The following ERCC6 variants were observed in gnomAD, a reference collection of about 807,000 sequenced individuals.
The protein encoded by ERCC6 is DNA excision repair protein ERCC-6.
Under a neutral mutation model 158.7 loss-of-function variants are expected in ERCC6, and 116 were observed. The ratio of observed to expected loss-of-function variants is 0.73; its 90% CI spans 0.63 to 0.85. The LOEUF (loss-of-function observed/expected upper bound fraction) is 0.85. ERCC6 is among the 40% of genes least tolerant of loss of function. The pLI is 0.00. For synonymous variants in ERCC6, 678 were observed against 659.3 expected (o/e 1.03, Z -0.43); for missense variants, 1,698 against 1,799.4 (o/e 0.94, Z 1.02).
intron 5 of ERCC6, among the ~76,000 whole-genome samples, chr10:49,523,411 T>G (rs1446409487): frequency 6.6e-6 from 1 of 152,230 alleles, no homozygotes; most frequent in Admixed American, 6.5e-5. Context: ...GACAATGTCA[T>G]GGAGCTAAAA....
chr10:49,474,027 C>T lies in ERCC6; in HGVS notation c.2598G>A (p.Gln866=), dbSNP rs1487181665. The T allele has an allele frequency of 6.2e-7, 1 of 1,613,680 alleles. No individual in the cohort carries two copies. Among genetic ancestry groups the T allele is most frequent in the East Asian group, 2.2e-5 (1 of 44,882 alleles). The change falls in exon 13 of 21, where the codon CAG becomes CAA. Residue 866 remains glutamine (Q), a splice_region_variant and synonymous_variant. Transcript: ENST00000355832. ...QRVLLFSQSR[Q]MLDILEVFLR... Reference sequence around the variant, plus strand: ...TCCCGTCTGAAGTCTGTGCACTCACCTGCCTTGACTGAGAAAACAGCAATA... The same window carrying T: ...TCCCGTCTGAAGTCTGTGCACTCACTTGCCTTGACTGAGAAAACAGCAATA...
chr10:49,480,039 T>C (rs1326726464), intron 10 of ERCC6, among the ~76,000 whole-genome samples: 1 of 152,150 alleles, frequency 6.6e-6, no homozygotes, highest in Admixed American at 6.5e-5. Context: ...ACGCTGAGAA[T>C]CAAAAACCTT....
At chr10:49,526,273 ATG>A (rs1837338865) in intron 4 of ERCC6, among the ~76,000 whole-genome samples, 2 of 151,016 alleles carry the variant, frequency 1.3e-5, no homozygotes, top group South Asian at 4.2e-4. Context: ...TTGCCATTCC[ATG>A]TTAGCTATTT....
intron 1 of ERCC6, 129 bp from the exon 2 acceptor site, chr10:49,533,107 G>A: frequency 8.6e-7 from 1 of 1,156,586 alleles, no homozygotes; most frequent in Non-Finnish European, 1.2e-6. Context: ...ATAAATTCAA[G>A]TTTCCAAGTA....
At chr10:49,453,386 T>C (rs1018922155), downstream of ERCC6, among the ~76,000 whole-genome samples, 4 of 152,128 alleles carry the variant, frequency 2.6e-5, no homozygotes, top group Non-Finnish European at 5.9e-5. Context: ...CAACACATTG[T>C]TATAATTATT....
rs1439211546 is a variant in ERCC6, at chr10:49,482,762, G to GC, written c.2093dup (p.Thr699HisfsTer61). ...ACTGCTCCATAAACACAGGCAACGT[G>GC]CCTAACTTTCCCGGGAAGATGAAGT... On this transcript the variant is annotated frameshift_variant, in exon 10 of 21. Transcript: ENST00000355832. LOFTEE classifies it high-confidence loss of function. The GC allele has an allele frequency of 1.4e-5, 23 of 1,613,800 alleles. No homozygotes were observed. Among genetic ancestry groups the GC allele is most frequent in the Non-Finnish European group, 1.9e-5 (22 of 1,180,004 alleles).
intron 7 of ERCC6, among the ~76,000 whole-genome samples, chr10:49,497,397 G>GT (rs1270333927): frequency 6.6e-6 from 1 of 152,190 alleles, no homozygotes; most frequent in Admixed American, 6.5e-5. Flanking sequence ...ACATGCATAT[G>GT]TTTTTTCAGG....
chr10:49,473,958 T>A, intron 13 of ERCC6, 69 bp downstream of exon 13: 1 of 1,348,520 alleles, frequency 7.4e-7, no homozygotes, highest in Non-Finnish European at 1.1e-6. Context: ...TTAGATTGAA[T>A]CCCATTTTGT....
rs749674727 is a variant in ERCC6 at position 49,538,985 on chromosome 10, A to G, written c.-38T>C. 1 of 152,696 alleles carries G rather than the reference A, an allele frequency of 6.5e-6. No individual in the cohort carries two copies. Among genetic ancestry groups the G allele is most frequent in the Non-Finnish European group, 1.5e-5 (1 of 68,452 alleles). 9.5% of individuals were successfully genotyped at this position (152,696 alleles called of 1,614,324 possible). A position where few individuals can be genotyped will look rare whatever the true frequency, so the allele number is the denominator to read the frequency against. ...ACCCAGGGCCGCGCGAGCGCCCACA[A>G]GGAAACAGAGACGCTACCGCCGCCA... On this transcript the variant is annotated 5_prime_UTR_variant, in exon 1 of 21. Coordinates refer to ENST00000355832, the MANE Select transcript of ERCC6 (RefSeq NM_000124.4).
chr10:49,537,396 G>A (rs1837624385), intron 1 of ERCC6, among the ~76,000 whole-genome samples: 1 of 150,814 alleles, frequency 6.6e-6, no homozygotes, highest in African/African-American at 2.4e-5. Context: ...AATAGTTACT[G>A]AGAGTTAATT....
intron 8 of ERCC6, among the ~76,000 whole-genome samples, chr10:49,490,083 A>G (rs1223261279): frequency 5.3e-5 from 8 of 152,230 alleles, no homozygotes; most frequent in Non-Finnish European, 8.8e-5. Flanking sequence ...TGCGATTTCA[A>G]GTGACCATTA....
chr10:49,471,186 A>C, intron 16 of ERCC6, 66 bp from the exon 17 acceptor site: 1 of 1,507,506 alleles, frequency 6.6e-7, no homozygotes, highest in Non-Finnish European at 9.2e-7. Flanking sequence ...TCAAGTTATA[A>C]AGCAATATAA....
chr10:49,516,741 G>A (rs1358737349), intron 5 of ERCC6: 1 of 1,614,024 alleles, frequency 6.2e-7, no homozygotes. Flanking sequence ...AACTCTACCT[G>A]CTACGGGTTG....
chr10:49,436,874 G>T, the ERCC6 span, among the ~76,000 whole-genome samples: 1 of 152,154 alleles, frequency 6.6e-6, no homozygotes, highest in Non-Finnish European at 1.5e-5. Context: ...TTAGAACCAG[G>T]TAAGAGAGAA....
chr10:49,517,696 C>T (rs944003587), intron 5 of ERCC6, among the ~76,000 whole-genome samples: 40 of 151,882 alleles, frequency 2.6e-4, no homozygotes, highest in African/African-American at 8.5e-4. Context: ...GGACTACAGG[C>T]GCACATCACC....
At chr10:49,485,310 A>C (rs1367627063) in intron 8 of ERCC6, among the ~76,000 whole-genome samples, 1 of 152,212 alleles carries the variant, frequency 6.6e-6, no homozygotes, top group Non-Finnish European at 1.5e-5. Context: ...CGAACGGAGA[A>C]AGGCAGCCAA....
chr10:49,530,949 A>C, intron 2 of ERCC6, 109 bp from the exon 3 acceptor site: 1 of 1,467,154 alleles, frequency 6.8e-7, no homozygotes, highest in South Asian at 1.2e-5. Context: ...ATTAACTAAA[A>C]GATAAAGGAA....
At chr10:49,501,663 A>C (rs371059775) in intron 6 of ERCC6, 1 of 152,190 alleles carries the variant, frequency 6.6e-6, no homozygotes, top group South Asian at 2.1e-4. Flanking sequence ...ACTTGAATTA[A>C]AAGATGATAG....
At chr10:49,514,294 C>T (rs929058794) in intron 5 of ERCC6, among the ~76,000 whole-genome samples, 2 of 152,168 alleles carry the variant, frequency 1.3e-5, no homozygotes, top group Admixed American at 6.5e-5. Context: ...ATCAGTTTAG[C>T]AGTTCTTTGA....
Sources: allele counts gnomAD v4.1 joint callset (sites outside exome capture counted in the v4.1 genomes callset), GRCh38; gene constraint gnomAD v4.1.1; transcripts MANE v1.5; gene names NCBI Gene and HGNC (gene_info 2026-07-23, HGNC 2026-07-21).